Variants in DSE observed in about 807,000 individuals in gnomAD.
DSE encodes dermatan sulfate epimerase.
A neutral mutation model predicts 84.4 loss-of-function variants in DSE; 36 were observed. That is an observed-to-expected ratio of 0.43 (90% CI 0.33 to 0.56). The LOEUF (loss-of-function observed/expected upper bound fraction) is 0.56, where lower values mean the gene tolerates loss of function less well. DSE is among the 20% of genes least tolerant of loss of function. The probability of loss-of-function intolerance (pLI) is 0.06; values close to 1 mark genes in which losing one functional copy is unlikely to be tolerated. For missense variants in DSE, 862 were observed against 1,169.6 expected, an observed-to-expected ratio of 0.74 and a Z score of 3.84; for synonymous variants, 410 against 430.1, an observed-to-expected ratio of 0.95 and a Z score of 0.58.
chr6:116,424,789 A>C (rs183318936), intron 2 of DSE, among the ~76,000 whole-genome samples: 1 of 152,192 alleles, frequency 6.6e-6, no homozygotes, highest in Admixed American at 6.5e-5. Context: ...TGATAGGGTG[A>C]CCAGGGAAGG....
Position 116,443,086 on chromosome 6 carries a change from TAG to T in DSE, c.*5746_*5747del, listed in dbSNP as rs1176499743. 2.0e-5 allele frequency: 3 copies of T among 152,212 alleles called. No individual in the cohort carries two copies. Among genetic ancestry groups the T allele is most frequent in the African/African-American group, 4.8e-5 (2 of 41,452 alleles). 9.4% of individuals were successfully genotyped at this position (152,212 alleles called of 1,614,324 possible). A position where few individuals can be genotyped will look rare whatever the true frequency, so the allele number is the denominator to read the frequency against. On this transcript the variant is annotated 3_prime_UTR_variant, in exon 6 of 6. Coordinates refer to ENST00000644252, the MANE Select transcript of DSE (RefSeq NM_013352.4). ...TAGAAAGGCAATTTTAGCTTCAGTGTAGAGAGTGGACCCAATGGGGAAGAGGT... is the reference window on the plus strand; with the variant it reads ...TAGAAAGGCAATTTTAGCTTCAGTGTAGAGTGGACCCAATGGGGAAGAGGT...
intron 2 of DSE, among the ~76,000 whole-genome samples, chr6:116,413,239 A>C (rs1782496210): frequency 6.6e-6 from 1 of 152,206 alleles, no homozygotes; most frequent in South Asian, 2.1e-4. Flanking sequence ...TTGCATTTAA[A>C]TTATGCCTTG....
rs571356338 is a variant in DSE, at chr6:116,279,431, T to C, written c.-54+20464T>C. ...GACGCGGATCTCTGGGCGCCACAGA[T>C]TTCTAGGGCCTTCTCTCCACCCTGA... On this transcript the variant is annotated intron_variant, in intron 2 of 3. Transcript: ENST00000430252. The C allele has an allele frequency of 9.2e-5, 148 of 1,613,456 alleles. 1 individual carries two copies. The South Asian group carries it at 1.5e-3, about 16-fold the overall frequency.
At chr6:116,280,116 A>G (rs2114638831) in intron 2 of DSE, 1 of 505,732 alleles carries the variant, frequency 2.0e-6, no homozygotes, top group Middle Eastern at 5.7e-4. Flanking sequence ...CTGAGTCTGG[A>G]AGCGCGGACG....
chr6:116,344,392 G>C (rs1432754887), intron 2 of DSE, among the ~76,000 whole-genome samples: 2 of 152,204 alleles, frequency 1.3e-5, no homozygotes, highest in African/African-American at 4.8e-5. Context: ...GAGAAAGGTT[G>C]GGTTACCTAC....
chr6:116,335,488 A>G (rs1452007456), intron 2 of DSE, among the ~76,000 whole-genome samples: 1 of 152,256 alleles, frequency 6.6e-6, no homozygotes, highest in Non-Finnish European at 1.5e-5. Flanking sequence ...ATGTTTACCT[A>G]TGTAACAAAA....
chr6:116,331,335 C>T (rs1270508020), intron 2 of DSE, among the ~76,000 whole-genome samples: 2 of 152,098 alleles, frequency 1.3e-5, no homozygotes, highest in East Asian at 3.9e-4. Flanking sequence ...ATGAAACTTA[C>T]AATCATGGTG....
intron 2 of DSE, among the ~76,000 whole-genome samples, chr6:116,328,996 C>T (rs929774222): frequency 9.2e-5 from 14 of 152,182 alleles, no homozygotes; most frequent in Non-Finnish European, 1.9e-4. Flanking sequence ...CTATGCCTGG[C>T]AGTTCCAAGC....
chr6:116,267,397 T>TGTGTG (rs1430565371), intron 2 of DSE, among the ~76,000 whole-genome samples: 1 of 152,038 alleles, frequency 6.6e-6, no homozygotes, highest in Admixed American at 6.6e-5. Context: ...CCTAGGCTAA[T>TGTGTG]GTGTGTGTTT....
intron 1 of DSE, among the ~76,000 whole-genome samples, chr6:116,395,059 A>G (rs1781151653): frequency 6.6e-6 from 1 of 152,266 alleles, no homozygotes; most frequent in Non-Finnish European, 1.5e-5. Flanking sequence ...CTTGAAGTTC[A>G]GACTTATTTC....
chr6:116,433,164 T>C, intron 4 of DSE, 179 bp from the exon 5 acceptor site: 1 of 638,502 alleles, frequency 1.6e-6, no homozygotes, highest in South Asian at 2.0e-5. Context: ...GGAAGACCTT[T>C]TGAGGGATTC....
At chr6:116,336,250 T>C (rs1421924867) in intron 2 of DSE, among the ~76,000 whole-genome samples, 1 of 152,192 alleles carries the variant, frequency 6.6e-6, no homozygotes, top group Non-Finnish European at 1.5e-5. Flanking sequence ...ATAGACAGAA[T>C]CTAAATAGTT....
intron 2 of DSE, chr6:116,279,394 G>C: frequency 1.2e-6 from 2 of 1,612,866 alleles, no homozygotes; most frequent in South Asian, 2.2e-5. Context: ...CTCCGCCCCC[G>C]CCGTCAGCTC....
chr6:116,364,990 G>T (rs546090004), intron 2 of DSE, among the ~76,000 whole-genome samples: 1 of 151,662 alleles, frequency 6.6e-6, no homozygotes, highest in East Asian at 2.0e-4. Context: ...GCGCCACCAT[G>T]CCCGGCTAAT....
chr6:116,402,064 G>A (rs1304924435), intron 2 of DSE, among the ~76,000 whole-genome samples: 1 of 151,928 alleles, frequency 6.6e-6, no homozygotes, highest in African/African-American at 2.4e-5. Context: ...AACGTTTATT[G>A]AGCATCTACT....
At chr6:116,348,249 A>G (rs1778106857) in intron 2 of DSE, among the ~76,000 whole-genome samples, 1 of 152,110 alleles carries the variant, frequency 6.6e-6, no homozygotes, top group South Asian at 2.1e-4. Context: ...AACACGGTGA[A>G]ACCCCGTGTC....
intron 1 of DSE, chr6:116,255,983 C>T (rs1355048180): frequency 6.6e-6 from 1 of 152,216 alleles, no homozygotes; most frequent in Non-Finnish European, 1.5e-5. Context: ...TCATTTTTCA[C>T]TCATAACCAC....
chr6:116,337,427 T>C (rs1330067145), intron 2 of DSE, among the ~76,000 whole-genome samples: 1 of 152,236 alleles, frequency 6.6e-6, no homozygotes, highest in East Asian at 1.9e-4. Context: ...CTGACCAACA[T>C]GGTGAAACAC....
intron 1 of DSE, among the ~76,000 whole-genome samples, chr6:116,398,834 C>A (rs1781410376): frequency 6.6e-6 from 1 of 152,050 alleles, no homozygotes; most frequent in Non-Finnish European, 1.5e-5. Flanking sequence ...TCATTACCAG[C>A]TTTTGGTTAT....
Sources: allele counts gnomAD v4.1 joint callset (sites outside exome capture counted in the v4.1 genomes callset), GRCh38; gene constraint gnomAD v4.1.1; transcripts MANE v1.5; gene names NCBI Gene and HGNC (gene_info 2026-07-23, HGNC 2026-07-21).